The following LMAN1L variants were observed in gnomAD, a reference collection of about 807,000 sequenced individuals.
LMAN1L encodes the protein lectin, mannose binding 1 like.
In LMAN1L, 60 loss-of-function variants were observed where a neutral mutation model predicts 58.3. That is an observed-to-expected ratio of 1.03 (90% CI 0.84 to 1.27). The LOEUF (loss-of-function observed/expected upper bound fraction) is 1.27. LMAN1L is among the 50% of genes most tolerant of loss of function. The pLI, the probability that LMAN1L is intolerant of heterozygous loss-of-function variation, is 0.00. For missense variants in LMAN1L, 629 were observed against 674.0 expected, an observed-to-expected ratio of 0.93 and a Z score of 0.74; for synonymous variants, 280 against 271.6, an observed-to-expected ratio of 1.03 and a Z score of -0.31.
Position 74,812,943 on chromosome 15 carries a change from T to C in LMAN1L, c.89T>C (p.Leu30Pro). 2 of 1,614,102 alleles carry C rather than the reference T, an allele frequency of 1.2e-6. No individual in the cohort carries two copies. The highest frequency in any genetic ancestry group is 1.7e-6 in the Non-Finnish European group (2 of 1,179,998). The change falls in exon 1 of 14, where the codon CTA (leucine) becomes CCA (proline). Residue 30 changes from leucine (L) to proline (P), a missense_variant. Coordinates refer to ENST00000309664, the MANE Select transcript of LMAN1L (RefSeq NM_021819.3). ...AGCCCTGAGACGGGGTGTCCTCCTCTACGCAGGTTTGAGTACAAGCTCAGC... is the reference window on the plus strand; with the variant it reads ...AGCCCTGAGACGGGGTGTCCTCCTCCACGCAGGTTTGAGTACAAGCTCAGC... ...PHSPETGCPP[L>P]RRFEYKLSFK...
chr15:74,818,820 G>C lies in LMAN1L; in HGVS notation c.597+3G>C, dbSNP rs367689324. 2.2e-5 allele frequency: 36 copies of C among 1,604,412 alleles called. No homozygotes were observed. The highest frequency in any genetic ancestry group is 2.9e-5 in the Non-Finnish European group (34 of 1,175,774). The stretch of plus-strand genomic sequence containing the variant: ...CCTACTGGGGGCAGAGGCTGCGCGT[G>C]AGTCACCCTTCCTGCTTCTGACAGG... On this transcript the variant is annotated splice_donor_region_variant and intron_variant, in intron 5 of 13. Coordinates refer to ENST00000309664, the MANE Select transcript of LMAN1L (RefSeq NM_021819.3).
intron 1 of LMAN1L, among the ~76,000 whole-genome samples, chr15:74,814,296 T>A (rs2063879322): frequency 1.4e-5 from 2 of 146,750 alleles, no homozygotes; most frequent in African/African-American, 5.0e-5. Flanking sequence ...CAGATTCAAG[T>A]GATTCTCCTG....
intron 3 of LMAN1L, 29 bp from the exon 4 acceptor site, chr15:74,816,603 G>A (rs752307510): frequency 6.2e-6 from 10 of 1,606,786 alleles, no homozygotes; most frequent in Non-Finnish European, 7.7e-6. Flanking sequence ...CCATGTCCGC[G>A]GCTCAGGCTG....
chr15:74,820,260 C>T (rs2063910323), intron 7 of LMAN1L, 161 bp downstream of exon 7: 3 of 703,316 alleles, frequency 4.3e-6, no homozygotes, highest in Non-Finnish European at 7.4e-6. Context: ...GGGCCAGGGC[C>T]GGTGTGTGAG....
At chr15:74,820,276 GCAGGCTGGCTGGCT>G in intron 7 of LMAN1L, 177 bp downstream of exon 7, 1 of 653,330 alleles carries the variant, frequency 1.5e-6, no homozygotes, top group South Asian at 1.8e-5. Context: ...GTGAGGTCTC[GCAGGCTGGCTGGCT>G]CAGGCTGTGA....
rs772803219 is a variant in LMAN1L at position 74,823,548 on chromosome 15, C to T, written c.1200-11C>T. 2 of 1,613,330 alleles carry T rather than the reference C, an allele frequency of 1.2e-6. No homozygotes were observed. Among genetic ancestry groups the T allele is most frequent in the Admixed American group, 3.3e-5 (2 of 59,988 alleles). ...AATGAGTCATCTTACTTGGTTACCA[C>T]CCCCGGTTAGGGATGCAGCTGTCCG... On this transcript the variant is annotated splice_polypyrimidine_tract_variant and intron_variant, in intron 11 of 13. Coordinates refer to ENST00000309664, the MANE Select transcript of LMAN1L (RefSeq NM_021819.3).
chr15:74,816,226 G>T lies in LMAN1L; in HGVS notation c.245G>T (p.Ser82Ile). ...SMRNRSGAVW[S>I]RASVPFSAWE... ...AGGAACCGGAGTGGCGCCGTGTGGA[G>T]CAGGGCCTCTGTCCCCTTCTCTGCC... Residue 82 changes from serine (S) to isoleucine (I), a missense_variant, in exon 2 of 14, where the codon AGC (serine) becomes ATC (isoleucine). Ser to Ile is a moderately radical substitution (Grantham distance 142). Around this residue, in one of 3 missense-constraint regions of LMAN1L, gnomAD observed 573 missense variants for 597.3 expected, o/e 0.96. Coordinates refer to ENST00000309664, the MANE Select transcript of LMAN1L (RefSeq NM_021819.3). 1 of 1,589,494 alleles carries T rather than the reference G, an allele frequency of 6.3e-7. No homozygotes were observed. Among genetic ancestry groups the T allele is most frequent in the South Asian group, 1.1e-5 (1 of 88,068 alleles).
At chr15:74,817,934 AC>A (rs2063899056) in intron 4 of LMAN1L, among the ~76,000 whole-genome samples, 1 of 150,514 alleles carries the variant, frequency 6.6e-6, no homozygotes, top group Non-Finnish European at 1.5e-5. Flanking sequence ...AACCGCTTGA[AC>A]CCAGGAGGCA....
chr15:74,820,892 C>A (rs1261960139), intron 8 of LMAN1L, 125 bp downstream of exon 8: 3 of 1,398,628 alleles, frequency 2.1e-6, no homozygotes. Flanking sequence ...CTAAGCAGGC[C>A]CTGGGCCCAA....
intron 12 of LMAN1L, chr15:74,824,122 G>A: frequency 1.7e-6 from 1 of 591,108 alleles, no homozygotes; most frequent in South Asian, 2.2e-5. Flanking sequence ...TGGGCCCCTT[G>A]ATGATCCCAG....
At chr15:74,814,299 T>C (rs1341330228) in intron 1 of LMAN1L, among the ~76,000 whole-genome samples, 1 of 150,232 alleles carries the variant, frequency 6.7e-6, no homozygotes, top group East Asian at 2.0e-4. Flanking sequence ...ATTCAAGTGA[T>C]TCTCCTGCCT....
At chr15:74,823,778 G>A in intron 12 of LMAN1L, 96 bp downstream of exon 12, 1 of 1,457,950 alleles carries the variant, frequency 6.9e-7, no homozygotes, top group South Asian at 1.3e-5. Flanking sequence ...AAGCCCTCCT[G>A]CCTTTGCCCT....
chr15:74,816,600 C>T (rs2063892264), intron 3 of LMAN1L, 32 bp from the exon 4 acceptor site: 3 of 1,605,762 alleles, frequency 1.9e-6, no homozygotes, highest in African/African-American at 1.3e-5. Context: ...CCGCCATGTC[C>T]GCGGCTCAGG....
chr15:74,820,380 G>T, intron 7 of LMAN1L: 1 of 622,776 alleles, frequency 1.6e-6, no homozygotes, highest in Admixed American at 2.9e-5. Flanking sequence ...GTCCCAACCA[G>T]CCAGGGGGTC....
rs1378399131 is a variant in LMAN1L at position 74,820,623 on chromosome 15, T to G, written c.775-12T>G. 1 of 1,613,244 alleles carries G rather than the reference T, an allele frequency of 6.2e-7. No individual in the cohort carries two copies. The highest frequency in any genetic ancestry group is 8.5e-7 in the Non-Finnish European group (1 of 1,179,926). On this transcript the variant is annotated splice_polypyrimidine_tract_variant and intron_variant, in intron 7 of 13. Coordinates refer to ENST00000309664, the MANE Select transcript of LMAN1L (RefSeq NM_021819.3). ...TGGGTTTGGGGCCCGACTTTCTGTCTTCCTCCCCTAGGTTCCCCCTCAGCC... is the reference window on the plus strand; with the variant it reads ...TGGGTTTGGGGCCCGACTTTCTGTCGTCCTCCCCTAGGTTCCCCCTCAGCC...
At chr15:74,814,567 G>A (rs2063882134) in intron 1 of LMAN1L, among the ~76,000 whole-genome samples, 1 of 152,126 alleles carries the variant, frequency 6.6e-6, no homozygotes, top group Non-Finnish European at 1.5e-5. Context: ...TAGAGATGGG[G>A]TTTCACCTTG....
Position 74,825,607 on chromosome 15 carries a change from C to A in LMAN1L, c.*2C>A, listed in dbSNP as rs1189889490. ...CTCCCTGCCAGCATGCCTGCCTGAC[C>A]CACCTCAGAGCCTGCTTTGCATCAC... On this transcript the variant is annotated 3_prime_UTR_variant, in exon 14 of 14. Coordinates refer to ENST00000309664, the MANE Select transcript of LMAN1L (RefSeq NM_021819.3). 1 of 1,609,268 alleles carries A rather than the reference C, an allele frequency of 6.2e-7. No individual in the cohort carries two copies. Among genetic ancestry groups the A allele is most frequent in the South Asian group, 1.1e-5 (1 of 90,932 alleles).
At chr15:74,816,020 C>G (rs941420151) in intron 1 of LMAN1L, 137 bp from the exon 2 acceptor site, 69 of 1,135,696 alleles carry the variant, frequency 6.1e-5, no homozygotes, top group Non-Finnish European at 8.4e-5. Context: ...TCCTGCTTCC[C>G]TGGCTGGCCG....
At chr15:74,820,016 T>A in intron 6 of LMAN1L, 28 bp from the exon 7 acceptor site, 1 of 1,608,140 alleles carries the variant, frequency 6.2e-7, no homozygotes, top group South Asian at 1.1e-5. Context: ...GGAGGGGTCT[T>A]ACTTCTCCTT....
Sources: allele counts gnomAD v4.1 joint callset (sites outside exome capture counted in the v4.1 genomes callset), GRCh38; gene constraint gnomAD v4.1.1; regional missense constraint gnomAD v4.1.1; transcripts MANE v1.5; gene names NCBI Gene and HGNC (gene_info 2026-07-23, HGNC 2026-07-21).